SLC25A21: variants seen among roughly 807,000 people sequenced by gnomAD.
SLC25A21 encodes mitochondrial 2-oxodicarboxylate carrier.
In SLC25A21, 47 loss-of-function variants were observed where a neutral mutation model predicts 43.8. The ratio of observed to expected loss-of-function variants is 1.07; its 90% CI spans 0.85 to 1.37. SLC25A21 has a LOEUF of 1.37. Among genes scored for constraint, SLC25A21 ranks in the 40% most tolerant of loss-of-function variants. SLC25A21 has a pLI of 0.00. For missense variants in SLC25A21, 352 were observed against 350.2 expected (o/e 1.00, Z -0.04); for synonymous variants, 131 against 121.3 (o/e 1.08, Z -0.52).
chr14:37,005,213 C>T (rs893541017), intron 1 of SLC25A21, among the ~76,000 whole-genome samples: 2 of 152,124 alleles, frequency 1.3e-5, no homozygotes, highest in Admixed American at 1.3e-4. Flanking sequence ...AATGCACACA[C>T]ACACACACAC....
intron 1 of SLC25A21, among the ~76,000 whole-genome samples, chr14:37,159,708 G>A (rs1416819374): frequency 6.6e-6 from 1 of 151,924 alleles, no homozygotes; most frequent in Non-Finnish European, 1.5e-5. Context: ...ACAGGCAACA[G>A]AAACAAAAAT....
chr14:36,919,344 G>T (rs1474638931), intron 1 of SLC25A21, among the ~76,000 whole-genome samples: 2 of 151,798 alleles, frequency 1.3e-5, no homozygotes, highest in Non-Finnish European at 2.9e-5. Context: ...ATCTTTTTGG[G>T]TAAAAATTCC....
intron 1 of SLC25A21, among the ~76,000 whole-genome samples, chr14:37,063,833 A>G (rs1265875502): frequency 1.3e-5 from 2 of 152,206 alleles, no homozygotes; most frequent in Non-Finnish European, 2.9e-5. Flanking sequence ...TGCTAGACTC[A>G]AAACACAAAA....
At chr14:37,013,934 G>A (rs1960789800) in intron 1 of SLC25A21, among the ~76,000 whole-genome samples, 2 of 152,000 alleles carry the variant, frequency 1.3e-5, no homozygotes, top group Admixed American at 6.6e-5. Context: ...ATTAGTAGCA[G>A]GCTATATATT....
chr14:37,113,909 C>G (rs983482985), intron 1 of SLC25A21, among the ~76,000 whole-genome samples: 2 of 149,164 alleles, frequency 1.3e-5, no homozygotes, highest in Admixed American at 6.7e-5. Context: ...TTTGTTATAA[C>G]TTATTCTTCC....
chr14:36,934,737 AG>A (rs1443767778), intron 1 of SLC25A21, among the ~76,000 whole-genome samples: 10 of 152,182 alleles, frequency 6.6e-5, no homozygotes, highest in Non-Finnish European at 5.9e-5. Context: ...AGAGAGAGAG[AG>A]AGAAAAGAAG....
At chr14:36,840,713 A>G (rs1273504620) in intron 2 of SLC25A21, among the ~76,000 whole-genome samples, 1 of 152,230 alleles carries the variant, frequency 6.6e-6, no homozygotes, top group African/African-American at 2.4e-5. Context: ...ATCATGTAAC[A>G]CACAAGCTTC....
chr14:36,683,612 C>T lies in SLC25A21; in HGVS notation c.838+216G>A, dbSNP rs114430476. Reference sequence around the variant, plus strand: ...AAGCTGGGTTTTGGCTTCTGTTAGCCTCCAGCAAGTTCATAAATAGTACTT... The same window carrying T: ...AAGCTGGGTTTTGGCTTCTGTTAGCTTCCAGCAAGTTCATAAATAGTACTT... On this transcript the variant is annotated intron_variant, in intron 9 of 9. Transcript: ENST00000331299. Among the ~76,000 whole-genome samples the T allele has an allele frequency of 3.7e-3, 571 of 152,298 alleles. 7 individuals are homozygous for T. The highest frequency in any genetic ancestry group is 0.013 in the African/African-American group (553 of 41,556).
intron 1 of SLC25A21, among the ~76,000 whole-genome samples, chr14:36,883,463 C>T (rs1890812818): frequency 6.6e-6 from 1 of 152,166 alleles, no homozygotes; most frequent in South Asian, 2.1e-4. Context: ...TCTGCTTTTT[C>T]ATTTCTCTCT....
chr14:36,745,990 T>G (rs1260832109), intron 3 of SLC25A21, among the ~76,000 whole-genome samples: 2 of 152,102 alleles, frequency 1.3e-5, no homozygotes, highest in African/African-American at 4.8e-5. Flanking sequence ...AAGAGAACGC[T>G]TCTACACTGC....
chr14:36,885,891 T>G (rs567974288), intron 1 of SLC25A21, among the ~76,000 whole-genome samples: 6 of 152,310 alleles, frequency 3.9e-5, no homozygotes, highest in African/African-American at 1.4e-4. Flanking sequence ...CTACTGCCAC[T>G]TCCTTGATGT....
chr14:36,842,153 A>C (rs1350971652), intron 2 of SLC25A21, among the ~76,000 whole-genome samples: 1 of 152,208 alleles, frequency 6.6e-6, no homozygotes, highest in South Asian at 2.1e-4. Flanking sequence ...CACAATAGAC[A>C]TCTGATTCAA....
At chr14:36,800,948 G>A (rs1887849866) in intron 3 of SLC25A21, among the ~76,000 whole-genome samples, 3 of 152,036 alleles carry the variant, frequency 2.0e-5, no homozygotes, top group Admixed American at 1.3e-4. Context: ...CTCCAAAGAT[G>A]GAAACATTTT....
intron 1 of SLC25A21, among the ~76,000 whole-genome samples, chr14:37,128,635 T>C (rs1594807136): frequency 6.6e-6 from 1 of 151,370 alleles, no homozygotes; most frequent in East Asian, 2.0e-4. Flanking sequence ...CAGGCTAGAA[T>C]GTAGTGGTGT....
intron 2 of SLC25A21, among the ~76,000 whole-genome samples, chr14:36,815,041 C>A (rs921471828): frequency 2.6e-5 from 4 of 152,130 alleles, no homozygotes; most frequent in Admixed American, 2.6e-4. Context: ...AAGCTGGAAG[C>A]CATCATTCTC....
At chr14:36,781,668 T>C (rs1272732158) in intron 3 of SLC25A21, among the ~76,000 whole-genome samples, 1 of 152,354 alleles carries the variant, frequency 6.6e-6, no homozygotes, top group Non-Finnish European at 1.5e-5. Context: ...ATTTCTTTTT[T>C]ATTGTGTATC....
At chr14:36,683,980 T>A (rs10132292) in intron 8 of SLC25A21, 100 bp from the exon 9 acceptor site, 413,060 of 804,528 alleles carry the variant, frequency 0.51, 109,968 homozygotes, top group East Asian at 0.84. Context: ...AAAAAATAAA[T>A]TATTTGGAAT....
chr14:36,869,312 A>C (rs147546985), intron 2 of SLC25A21, among the ~76,000 whole-genome samples: 11 of 152,202 alleles, frequency 7.2e-5, no homozygotes, highest in African/African-American at 2.4e-4. Context: ...AACACAGGCA[A>C]CAAAAGAATA....
chr14:36,822,197 T>A (rs1888661326), intron 2 of SLC25A21, among the ~76,000 whole-genome samples: 1 of 152,238 alleles, frequency 6.6e-6, no homozygotes, highest in African/African-American at 2.4e-5. Context: ...CTTGTTGCTT[T>A]CACATTCTAG....
Sources: gnomAD v4.1 joint callset for allele counts (sites outside exome capture counted in the v4.1 genomes callset) on GRCh38, gnomAD v4.1.1 for gene constraint, MANE v1.5 for transcripts, NCBI Gene and HGNC (gene_info 2026-07-23, HGNC 2026-07-21) for gene names.